The following CPED1 variants were observed in gnomAD, a reference collection of about 807,000 sequenced individuals.
The protein encoded by CPED1 is cadherin like and PC-esterase domain containing 1, also known as cadherin-like and PC-esterase domain-containing protein 1.
In CPED1, 114 loss-of-function variants were observed where a neutral mutation model predicts 128.2. The ratio of observed to expected loss-of-function variants is 0.89; its 90% CI spans 0.76 to 1.04. The LOEUF (loss-of-function observed/expected upper bound fraction) is 1.04. CPED1 is among the 50% of genes least tolerant of loss of function. The pLI, the probability that CPED1 is intolerant of heterozygous loss-of-function variation, is 0.00. For missense variants in CPED1, 1,211 were observed against 1,207.1 expected (o/e 1.00, Z -0.05); for synonymous variants, 462 against 426.7 (o/e 1.08, Z -1.02).
chr7:121,148,172 T>C (rs1192996032), intron 16 of CPED1, among the ~76,000 whole-genome samples: 2 of 152,132 alleles, frequency 1.3e-5, no homozygotes, highest in Non-Finnish European at 2.9e-5. Flanking sequence ...CAGAGGAATA[T>C]GATTTAATTT....
chr7:121,148,138 G>A (rs1029100000), intron 16 of CPED1, among the ~76,000 whole-genome samples: 3 of 152,130 alleles, frequency 2.0e-5, no homozygotes, highest in Non-Finnish European at 4.4e-5. Context: ...ATGGTTATTA[G>A]TTACCTTGCC....
intron 5 of CPED1, chr7:121,076,754 G>A (rs1794134111): frequency 6.6e-6 from 1 of 152,052 alleles, no homozygotes; most frequent in Non-Finnish European, 1.5e-5. Flanking sequence ...CAGGGAAAAG[G>A]GAATAAATCT....
chr7:121,268,896 C>T (rs749523205), intron 21 of CPED1, among the ~76,000 whole-genome samples: 4 of 151,960 alleles, frequency 2.6e-5, no homozygotes, highest in Non-Finnish European at 5.9e-5. Context: ...GTTGGCTGCT[C>T]CTACCATGAG....
At chr7:121,213,512 T>G (rs1255036349) in intron 16 of CPED1, among the ~76,000 whole-genome samples, 2 of 152,148 alleles carry the variant, frequency 1.3e-5, no homozygotes, top group Non-Finnish European at 2.9e-5. Context: ...TTCTTTAGCT[T>G]ATTGACTGTC....
Position 121,266,716 on chromosome 7 carries a change from C to G in CPED1, c.2541C>G (p.Pro847=). Residue 847 remains proline, a synonymous_variant, in exon 20 of 23, where the codon CCC becomes CCG. Transcript: ENST00000310396. ...ALEHLLQRSR[P]LENTGQTVLV... ...TCTTTCTGAATTTCAGATCACGTCCCCTAGAGAATACTGGCCAGACTGTAT... is the reference window on the plus strand; with the variant it reads ...TCTTTCTGAATTTCAGATCACGTCCGCTAGAGAATACTGGCCAGACTGTAT... 2 of 1,612,318 alleles carry G rather than the reference C, an allele frequency of 1.2e-6. No individual in the cohort carries two copies. Among genetic ancestry groups the G allele is most frequent in the Middle Eastern group, 1.7e-4 (1 of 6,048 alleles).
intron 3 of CPED1, among the ~76,000 whole-genome samples, chr7:121,027,595 G>A (rs1160204619): frequency 2.6e-5 from 4 of 151,988 alleles, no homozygotes; most frequent in African/African-American, 7.2e-5. Context: ...TCAGGGCTGT[G>A]TCTCAGCTCA....
At chr7:121,252,363 C>G (rs1230696148) in intron 18 of CPED1, among the ~76,000 whole-genome samples, 1 of 151,938 alleles carries the variant, frequency 6.6e-6, no homozygotes, top group Non-Finnish European at 1.5e-5. Context: ...CAGAAGAAAC[C>G]CTAGAAGAAA....
intron 22 of CPED1, among the ~76,000 whole-genome samples, chr7:121,278,962 G>T (rs753496368): frequency 2.0e-5 from 3 of 152,064 alleles, no homozygotes; most frequent in Non-Finnish European, 2.9e-5. Context: ...ACTCCTTCAT[G>T]TTCTTTGCAA....
At chr7:121,290,341 C>T (rs1158273266) in intron 22 of CPED1, among the ~76,000 whole-genome samples, 4 of 152,278 alleles carry the variant, frequency 2.6e-5, no homozygotes, top group African/African-American at 9.6e-5. Context: ...ATTGCTAGGT[C>T]AAATGGTATT....
chr7:121,115,101 T>G (rs1795205073), intron 7 of CPED1, among the ~76,000 whole-genome samples: 1 of 152,174 alleles, frequency 6.6e-6, no homozygotes, highest in African/African-American at 2.4e-5. Flanking sequence ...TTCATAAAGA[T>G]GATGACTGGT....
chr7:121,250,499 C>A (rs1377021941), intron 18 of CPED1, among the ~76,000 whole-genome samples: 1 of 151,918 alleles, frequency 6.6e-6, no homozygotes, highest in Non-Finnish European at 1.5e-5. Context: ...AATAGAGACA[C>A]AAAAAACCCT....
intron 16 of CPED1, among the ~76,000 whole-genome samples, chr7:121,197,144 G>T: frequency 6.9e-6 from 1 of 144,434 alleles, no homozygotes; most frequent in Non-Finnish European, 1.5e-5. Flanking sequence ...TTTCTAGAGA[G>T]GACCCAATAA....
intron 16 of CPED1, among the ~76,000 whole-genome samples, chr7:121,158,732 G>A (rs928782161): frequency 4.6e-5 from 7 of 152,012 alleles, no homozygotes; most frequent in Non-Finnish European, 8.8e-5. Flanking sequence ...CTTAAAAAGA[G>A]TACTAAGGTT....
At chr7:121,218,287 T>C (rs536749978) in intron 16 of CPED1, among the ~76,000 whole-genome samples, 8 of 151,896 alleles carry the variant, frequency 5.3e-5, no homozygotes, top group Admixed American at 4.6e-4. Context: ...AAAATCGCAA[T>C]TACTTTTACA....
At chr7:121,024,377 C>G (rs1019109007) in intron 3 of CPED1, among the ~76,000 whole-genome samples, 1 of 152,160 alleles carries the variant, frequency 6.6e-6, no homozygotes. Context: ...CTCGTTTTTA[C>G]TCCAAAGAAA....
chr7:121,125,461 GC>G (rs1795479982), intron 8 of CPED1, among the ~76,000 whole-genome samples: 1 of 151,756 alleles, frequency 6.6e-6, no homozygotes, highest in Admixed American at 6.6e-5. Context: ...CCCTCTCCTT[GC>G]CCCCCAACCC....
At chr7:121,217,973 T>C (rs1797793714) in intron 16 of CPED1, among the ~76,000 whole-genome samples, 1 of 142,176 alleles carries the variant, frequency 7.0e-6, no homozygotes, top group Non-Finnish European at 1.5e-5. Flanking sequence ...GCAAAATTAA[T>C]TGTGGTTTTT....
Position 121,139,588 on chromosome 7 carries a change from A to G in CPED1, c.1700-1239A>G, listed in dbSNP as rs117037203. Among the ~76,000 whole-genome samples, 9 of 152,152 alleles carry G rather than the reference A, an allele frequency of 5.9e-5. No individual in the cohort carries two copies. The East Asian group carries it at 9.7e-4, about 16-fold the overall frequency. On this transcript the variant is annotated intron_variant, in intron 14 of 22. Coordinates refer to ENST00000310396, the MANE Select transcript of CPED1 (RefSeq NM_024913.5). ...GCACAAAGACTGGGCAAAATGGGCA[A>G]TGCAGCTGGAGAGCAAGACAAGGAA...
intron 16 of CPED1, among the ~76,000 whole-genome samples, chr7:121,181,788 G>C (rs1382986461): frequency 1.3e-5 from 2 of 152,100 alleles, no homozygotes; most frequent in African/African-American, 4.8e-5. Context: ...AAACAACACA[G>C]AGTGGTTGAG....
Sources: allele counts gnomAD v4.1 joint callset (sites outside exome capture counted in the v4.1 genomes callset), GRCh38; gene constraint gnomAD v4.1.1; transcripts MANE v1.5; gene names NCBI Gene and HGNC (gene_info 2026-07-23, HGNC 2026-07-21).